The following SPECC1L variants were observed in gnomAD, a reference collection of about 807,000 sequenced individuals.
SPECC1L encodes sperm antigen with calponin homology and coiled-coil domains 1 like.
A neutral mutation model predicts 116.8 loss-of-function variants in SPECC1L; 40 were observed. The ratio of observed to expected loss-of-function variants is 0.34; its 90% CI spans 0.27 to 0.45. SPECC1L has a LOEUF of 0.45. Among genes scored for constraint, SPECC1L ranks in the 20% least tolerant of loss-of-function variants. The pLI is 1.00. For missense variants in SPECC1L, 1,110 were observed against 1,373.6 expected, an observed-to-expected ratio of 0.81 and a Z score of 3.03; for synonymous variants, 504 against 500.6, an observed-to-expected ratio of 1.01 and a Z score of -0.09.
chr22:24,319,161 C>G (rs947141567), intron 4 of SPECC1L, among the ~76,000 whole-genome samples: 2 of 152,180 alleles, frequency 1.3e-5, no homozygotes, highest in African/African-American at 4.8e-5. Flanking sequence ...AGTCCATTCT[C>G]ATGCTGCTGT....
chr22:24,321,301 A>C lies in SPECC1L; in HGVS notation c.321A>C (p.Ser107=). 1 of 1,614,052 alleles carries C rather than the reference A, an allele frequency of 6.2e-7. No individual in the cohort carries two copies. The highest frequency in any genetic ancestry group is 8.5e-7 in the Non-Finnish European group (1 of 1,180,034). The change falls in exon 5 of 17, where the codon TCA becomes TCC. Residue 107 remains serine, a synonymous_variant. Coordinates refer to ENST00000314328, the MANE Select transcript of SPECC1L (RefSeq NM_015330.6). ...KSKISTGTAS[S]TKRSTSTGNK... ...TTAAACACATAGGCACAGCTTCTTCAACCAAGCGGAGCACTTCTACAGGTA... is the reference window on the plus strand; with the variant it reads ...TTAAACACATAGGCACAGCTTCTTCCACCAAGCGGAGCACTTCTACAGGTA...
intron 14 of SPECC1L, among the ~76,000 whole-genome samples, chr22:24,375,276 C>G (rs1025768878): frequency 1.3e-5 from 2 of 152,138 alleles, no homozygotes; most frequent in Non-Finnish European, 2.9e-5. Flanking sequence ...CAATACTTCT[C>G]AAACTCTTCC....
intron 14 of SPECC1L, among the ~76,000 whole-genome samples, chr22:24,397,148 C>CA (rs1277113496): frequency 6.6e-6 from 1 of 151,926 alleles, no homozygotes; most frequent in African/African-American, 2.4e-5. Context: ...CACAGGTGTG[C>CA]ACCTTTTTTA....
chr22:24,300,350 G>C (rs2049352877), intron 2 of SPECC1L, among the ~76,000 whole-genome samples: 2 of 152,140 alleles, frequency 1.3e-5, no homozygotes, highest in South Asian at 4.1e-4. Context: ...TGGTGTATAT[G>C]TACCACATTT....
At chr22:24,317,725 C>T (rs1227873776) in intron 4 of SPECC1L, among the ~76,000 whole-genome samples, 4 of 151,278 alleles carry the variant, frequency 2.6e-5, no homozygotes, top group East Asian at 2.0e-4. Context: ...ACTTCCCAGA[C>T]GGGGTGGCTG....
chr22:24,367,357 C>T lies in SPECC1L; in HGVS notation c.2984+1725C>T, dbSNP rs556985413. On this transcript the variant is annotated intron_variant, in intron 13 of 16. Transcript: ENST00000314328. The stretch of plus-strand genomic sequence containing the variant: ...TCCTTTAAAGCAAGCTTCTCCAACC[C>T]GCAGCCCAGGACAGCTTTGAATGCG... 2.6e-5 allele frequency among the ~76,000 whole-genome samples: 4 copies of T among 152,242 alleles called. No individual in the cohort carries two copies. In the East Asian group the frequency reaches 7.7e-4, roughly 29 times the overall value.
At chr22:24,403,255 T>C (rs1601356116) in intron 14 of SPECC1L, among the ~76,000 whole-genome samples, 1 of 152,280 alleles carries the variant, frequency 6.6e-6, no homozygotes, top group East Asian at 1.9e-4. Context: ...TCTTGTTTTG[T>C]CGACCCTAAT....
At chr22:24,354,956 T>C (rs1202718918) in intron 11 of SPECC1L, among the ~76,000 whole-genome samples, 1 of 149,872 alleles carries the variant, frequency 6.7e-6, no homozygotes, top group Non-Finnish European at 1.5e-5. Context: ...AGCCAAGTTC[T>C]GGTTACTTTT....
chr22:24,305,913 T>C (rs1040053459), intron 3 of SPECC1L, among the ~76,000 whole-genome samples: 2 of 152,156 alleles, frequency 1.3e-5, no homozygotes, highest in Admixed American at 1.3e-4. Context: ...TTGAATACCT[T>C]TTCATACAAT....
intron 2 of SPECC1L, among the ~76,000 whole-genome samples, chr22:24,282,778 A>AT (rs373825517): frequency 0.17 from 23,961 of 140,798 alleles, 2,036 homozygotes; most frequent in Admixed American, 0.24. Context: ...TGAGTTTTGA[A>AT]TTTTTTTTTT....
intron 6 of SPECC1L, among the ~76,000 whole-genome samples, chr22:24,326,056 C>T (rs1384958573): frequency 1.3e-5 from 2 of 152,054 alleles, no homozygotes; most frequent in South Asian, 2.1e-4. Flanking sequence ...CGGGTTCAAG[C>T]GATTCTCCTG....
chr22:24,365,724 CA>C, intron 13 of SPECC1L, 92 bp downstream of exon 13: 1 of 1,445,692 alleles, frequency 6.9e-7, no homozygotes, highest in Non-Finnish European at 9.7e-7. Context: ...GGCATTTGAG[CA>C]CTGTGATTTT....
intron 14 of SPECC1L, among the ~76,000 whole-genome samples, chr22:24,396,417 C>G (rs981270241): frequency 3.3e-5 from 5 of 152,072 alleles, no homozygotes; most frequent in Non-Finnish European, 7.3e-5. Flanking sequence ...CCTGCATCAG[C>G]CTCCTGAGTA....
intron 8 of SPECC1L, among the ~76,000 whole-genome samples, chr22:24,332,757 A>C (rs1029804760): frequency 3.3e-5 from 5 of 151,928 alleles, no homozygotes; most frequent in African/African-American, 1.2e-4. Flanking sequence ...AAAATATATT[A>C]GCCCTGTATT....
chr22:24,337,847 T>TAG (rs754137331), intron 9 of SPECC1L, among the ~76,000 whole-genome samples: 1 of 151,928 alleles, frequency 6.6e-6, no homozygotes, highest in Non-Finnish European at 1.5e-5. Context: ...CAGTTTATTA[T>TAG]AGAGAGAGAG....
chr22:24,328,139 C>T (rs949396085), intron 6 of SPECC1L, among the ~76,000 whole-genome samples: 8 of 152,078 alleles, frequency 5.3e-5, no homozygotes, highest in African/African-American at 1.9e-4. Context: ...AGGTGACTTC[C>T]CTTTACGTTT....
intron 13 of SPECC1L, among the ~76,000 whole-genome samples, chr22:24,367,791 A>G (rs1486499021): frequency 6.6e-6 from 1 of 152,202 alleles, no homozygotes; most frequent in Non-Finnish European, 1.5e-5. Flanking sequence ...TATACTGAGG[A>G]ATACTAAGCT....
chr22:24,293,521 G>A (rs1239519659), intron 2 of SPECC1L, among the ~76,000 whole-genome samples: 1 of 152,120 alleles, frequency 6.6e-6, no homozygotes, highest in East Asian at 1.9e-4. Context: ...TAAAAGACTT[G>A]AAAATATTAG....
At chr22:24,376,552 A>C (rs2041975352) in intron 14 of SPECC1L, among the ~76,000 whole-genome samples, 1 of 152,248 alleles carries the variant, frequency 6.6e-6, no homozygotes, top group Admixed American at 6.5e-5. Context: ...AACATTGCTG[A>C]AAGAAATTAA....
Sources: gnomAD v4.1 joint callset for allele counts (sites outside exome capture counted in the v4.1 genomes callset) on GRCh38, gnomAD v4.1.1 for gene constraint, MANE v1.5 for transcripts, NCBI Gene and HGNC (gene_info 2026-07-23, HGNC 2026-07-21) for gene names.